SLC22A15: variants seen among roughly 807,000 people sequenced by gnomAD.
The protein encoded by SLC22A15 is solute carrier family 22 member 15.
SLC22A15 carries 45 observed loss-of-function variants against 62.7 expected under a neutral mutation model. The observed-to-expected ratio is 0.72, with a 90% CI of 0.56 to 0.92. The LOEUF (loss-of-function observed/expected upper bound fraction) is 0.92. Among genes scored for constraint, SLC22A15 ranks in the 40% least tolerant of loss-of-function variants. The pLI is 0.00. For missense variants in SLC22A15, 622 were observed against 665.6 expected (o/e 0.93, Z 0.72); for synonymous variants, 264 against 267.0 (o/e 0.99, Z 0.11).
intron 8 of SLC22A15, among the ~76,000 whole-genome samples, chr1:116,062,163 C>T (rs922771451): frequency 5.9e-5 from 9 of 152,098 alleles, no homozygotes; most frequent in African/African-American, 1.7e-4. Context: ...GAGGTGAGAT[C>T]GCGCTGTGGC....
At position 115,976,659 on chromosome 1, in the gene SLC22A15, G is replaced by T; in HGVS notation, c.32G>T (p.Gly11Val). The T allele has an allele frequency of 6.3e-7, 1 of 1,588,478 alleles. No individual in the cohort carries two copies. ...GTGGAGGAGGCGTTCCAGGCGGTGG[G>T]GGAGATGGGCATCTACCAGATGTAC... MEVEEAFQAV[G>V]EMGIYQMYLC... Residue 11 changes from glycine (G) to valine (V), a missense_variant, in exon 1 of 12, where the codon GGG (glycine) becomes GTG (valine). Physicochemically the swap from Gly to Val is moderately radical, Grantham distance 109 (BLOSUM62 -3). Transcript: ENST00000369503.
In SLC22A15 at chr1:116,019,496, C is replaced by CT. The variant is rs1239557005; in HGVS notation, c.301-85dup. On this transcript the variant is annotated intron_variant, in intron 2 of 11. Transcript: ENST00000369503. ...TAGTGGATCATGCAGTATAGAAATT[C>CT]TGGTGTACAAGTTTTTGTTGCACAT... 4 of 1,310,494 alleles carry CT rather than the reference C, an allele frequency of 3.1e-6. No individual in the cohort carries two copies. The African/African-American group carries it at 5.9e-5, about 19-fold the overall frequency. The allele number at this position is 1,310,494 out of a possible 1,614,324, so 81.2% of individuals were successfully genotyped here.
At chr1:115,995,172 C>A (rs181504834) in intron 2 of SLC22A15, among the ~76,000 whole-genome samples, 253 of 152,288 alleles carry the variant, frequency 1.7e-3, no homozygotes, top group Non-Finnish European at 2.2e-3. Context: ...CTATATCCAT[C>A]TGCCCTTAGT....
At chr1:116,058,469 ATGT>A (rs2101559311) in intron 8 of SLC22A15, among the ~76,000 whole-genome samples, 1 of 152,288 alleles carries the variant, frequency 6.6e-6, no homozygotes, top group Non-Finnish European at 1.5e-5. Flanking sequence ...AAAACAGTAG[ATGT>A]TGGCATGGAT....
At chr1:116,022,869 C>T (rs1277153906) in intron 4 of SLC22A15, among the ~76,000 whole-genome samples, 2 of 152,206 alleles carry the variant, frequency 1.3e-5, no homozygotes, top group South Asian at 2.1e-4. Context: ...CACAGCCCTG[C>T]ACCCAGGACA....
intron 8 of SLC22A15, among the ~76,000 whole-genome samples, chr1:116,044,736 A>T (rs1336050310): frequency 6.6e-6 from 1 of 152,190 alleles, no homozygotes; most frequent in Non-Finnish European, 1.5e-5. Flanking sequence ...TTAGCAACAA[A>T]CAGTTAAAAC....
chr1:116,031,924 A>G (rs1657421910), intron 6 of SLC22A15: 1 of 1,087,804 alleles, frequency 9.2e-7, no homozygotes, highest in African/African-American at 1.7e-5. Context: ...GCATGGTAGA[A>G]ATAGATGAGT....
Position 115,976,623 on chromosome 1 carries a change from C to G in SLC22A15, c.-5C>G, listed in dbSNP as rs1346356303. The G allele has an allele frequency of 6.4e-7, 1 of 1,571,222 alleles. No homozygotes were observed. The highest frequency in any genetic ancestry group is 1.4e-5 in the African/African-American group (1 of 71,454). On this transcript the variant is annotated 5_prime_UTR_variant, in exon 1 of 12. Coordinates refer to ENST00000369503, the MANE Select transcript of SLC22A15 (RefSeq NM_018420.3). ...GGGTGGCGGGGTTCCTGCGCGCGGC[C>G]CGCCATGGAGGTGGAGGAGGCGTTC...
At chr1:116,052,937 TA>T (rs1478588686) in intron 8 of SLC22A15, among the ~76,000 whole-genome samples, 4 of 151,748 alleles carry the variant, frequency 2.6e-5, no homozygotes, top group African/African-American at 7.3e-5. Flanking sequence ...CAAAAGTAGA[TA>T]AAACCACAAA....
intron 8 of SLC22A15, among the ~76,000 whole-genome samples, chr1:116,057,570 G>T (rs1181627672): frequency 6.6e-6 from 1 of 152,152 alleles, no homozygotes; most frequent in Admixed American, 6.6e-5. Context: ...TATACCCAAA[G>T]GACTATAAAT....
chr1:116,058,851 A>T (rs1658300765), intron 8 of SLC22A15, among the ~76,000 whole-genome samples: 2 of 152,316 alleles, frequency 1.3e-5, no homozygotes, highest in Middle Eastern at 3.4e-3. Context: ...ATTCTAAGTG[A>T]AGTAACTCGG....
At chr1:116,049,542 T>C (rs1658002039) in intron 8 of SLC22A15, among the ~76,000 whole-genome samples, 1 of 152,168 alleles carries the variant, frequency 6.6e-6, no homozygotes, top group African/African-American at 2.4e-5. Context: ...AAAAAATTCT[T>C]CGAACTGAAT....
intron 1 of SLC22A15, among the ~76,000 whole-genome samples, chr1:115,978,847 T>C (rs553073550): frequency 6.6e-6 from 1 of 152,184 alleles, no homozygotes; most frequent in African/African-American, 2.4e-5. Flanking sequence ...CCCAGCAGAG[T>C]AAGAAGCCCT....
chr1:116,051,070 G>A (rs1267766968), intron 8 of SLC22A15, among the ~76,000 whole-genome samples: 2 of 152,112 alleles, frequency 1.3e-5, no homozygotes, highest in Admixed American at 6.5e-5. Flanking sequence ...AGAAATCATA[G>A]ATTACACAAA....
At chr1:116,016,091 T>C (rs1215832652) in intron 2 of SLC22A15, among the ~76,000 whole-genome samples, 1 of 152,014 alleles carries the variant, frequency 6.6e-6, no homozygotes, top group African/African-American at 2.4e-5. Flanking sequence ...TCTTTTCTTT[T>C]CTTTCTCTCT....
chr1:116,032,671 A>C, intron 6 of SLC22A15: 45 of 973,644 alleles, frequency 4.6e-5, no homozygotes, highest in South Asian at 9.5e-5. Context: ...TAGGAATATC[A>C]CAGATGCATA....
At chr1:116,005,572 G>A (rs1286635580) in intron 2 of SLC22A15, among the ~76,000 whole-genome samples, 1 of 152,152 alleles carries the variant, frequency 6.6e-6, no homozygotes, top group Non-Finnish European at 1.5e-5. Context: ...GCAGGCTTGA[G>A]AAGTCCTAGC....
intron 6 of SLC22A15, among the ~76,000 whole-genome samples, chr1:116,034,111 T>C (rs1657543241): frequency 1.3e-5 from 2 of 152,126 alleles, no homozygotes; most frequent in South Asian, 4.1e-4. Context: ...GGGAAGCAAA[T>C]GAGAATGTCC....
rs1256114927 is a variant in SLC22A15, at chr1:116,020,061, G to A, written c.433+347G>A. Among the ~76,000 whole-genome samples the A allele has an allele frequency of 2.0e-5, 3 of 152,278 alleles. No individual in the cohort carries two copies. The East Asian group carries it at 5.8e-4, about 29-fold the overall frequency. ...GGCCCATTTCCTTATATCTCTCTGTGTTGATTCATTTCAAATGAGCTCTAC... is the reference window on the plus strand; with the variant it reads ...GGCCCATTTCCTTATATCTCTCTGTATTGATTCATTTCAAATGAGCTCTAC... On this transcript the variant is annotated intron_variant, in intron 3 of 11. Coordinates refer to ENST00000369503, the MANE Select transcript of SLC22A15 (RefSeq NM_018420.3).
Sources: gnomAD v4.1 joint callset for allele counts (sites outside exome capture counted in the v4.1 genomes callset) on GRCh38, gnomAD v4.1.1 for gene constraint, MANE v1.5 for transcripts, NCBI Gene and HGNC (gene_info 2026-07-23, HGNC 2026-07-21) for gene names.